Variants in TLCD3B observed in about 807,000 individuals in gnomAD.
TLCD3B encodes the protein ceramide synthase.
In TLCD3B, 9 loss-of-function variants were observed where a neutral mutation model predicts 23.0. That is an observed-to-expected ratio of 0.39 (90% confidence interval 0.24 to 0.68). The LOEUF is 0.68. Among genes scored for constraint, TLCD3B ranks in the 30% least tolerant of loss-of-function variants. TLCD3B has a pLI of 0.44. For synonymous variants in TLCD3B, 161 were observed against 161.0 expected (o/e 1.00, Z 0.00); for missense variants, 307 against 371.8 (o/e 0.83, Z 1.43).
At chr16:30,028,813 C>T (rs567754027) in intron 2 of TLCD3B, among the ~76,000 whole-genome samples, 6 of 152,318 alleles carry the variant, frequency 3.9e-5, no homozygotes, top group East Asian at 3.9e-4. Flanking sequence ...TCACCTAGGG[C>T]GGCCGTCAGC....
Position 30,030,738 on chromosome 16 carries a change from GGGGGA to G in TLCD3B, c.-216_-212del. 1 of 1,209,658 alleles carries G rather than the reference GGGGGA, an allele frequency of 8.3e-7. No individual in the cohort carries two copies. The highest frequency in any genetic ancestry group is 1.0e-6 in the Non-Finnish European group (1 of 964,408). 74.9% of individuals were successfully genotyped at this position (1,209,658 alleles called of 1,614,324 possible). A position where few individuals can be genotyped will look rare whatever the true frequency, so the allele number is the denominator to read the frequency against. ...GGGAGGGGGCTGGCTGGGCAGAGACGGGGGAGGGGAGGATGGGAGAAGGGGAGCAG... is the reference window on the plus strand; with the variant it reads ...GGGAGGGGGCTGGCTGGGCAGAGACGGGGGAGGATGGGAGAAGGGGAGCAG... On this transcript the variant is annotated 5_prime_UTR_variant, in exon 1 of 5. Coordinates refer to ENST00000380495, the MANE Select transcript of TLCD3B (RefSeq NM_031478.6).
chr16:30,029,290 T>A lies in TLCD3B; in HGVS notation c.209+142A>T. On this transcript the variant is annotated intron_variant, in intron 2 of 4. Transcript: ENST00000380495. The surrounding 1 kb of genome is among the most constrained non-coding windows in gnomAD (Gnocchi z 4.6). Reference sequence around the variant, plus strand: ...TTTATCCCTGGGTGTTGAGTTGCGGTTATTGCAGTTAACTTGCTCAGGCCC... The same window carrying A: ...TTTATCCCTGGGTGTTGAGTTGCGGATATTGCAGTTAACTTGCTCAGGCCC... The A allele has an allele frequency of 1.5e-6, 1 of 684,468 alleles. No homozygotes were observed. The highest frequency in any genetic ancestry group is 2.6e-6 in the Non-Finnish European group (1 of 381,524). 42.4% of individuals were successfully genotyped at this position (684,468 alleles called of 1,614,324 possible). A position where few individuals can be genotyped will look rare whatever the true frequency, so the allele number is the denominator to read the frequency against.
Position 30,030,806 on chromosome 16 carries a change from G to T in TLCD3B, c.-279C>A. 8.6e-7 allele frequency: 1 copy of T among 1,158,826 alleles called. No individual in the cohort carries two copies. Among genetic ancestry groups the T allele is most frequent in the Non-Finnish European group, 1.1e-6 (1 of 941,086 alleles). 71.8% of individuals were successfully genotyped at this position (1,158,826 alleles called of 1,614,324 possible). On this transcript the variant is annotated 5_prime_UTR_variant, in exon 1 of 5. Coordinates refer to ENST00000380495, the MANE Select transcript of TLCD3B (RefSeq NM_031478.6). The stretch of plus-strand genomic sequence containing the variant: ...GAGGGATGGGGAGAGGCAAAGAGGG[G>T]ATGGCTTGGTGAGGGACAGAGAGGA...
At chr16:30,037,542 C>CAAA (rs78393499) in intron 3 of TLCD3B, among the ~76,000 whole-genome samples, 2 of 80,170 alleles carry the variant, frequency 2.5e-5, no homozygotes, top group African/African-American at 4.3e-5. Context: ...GACTGTGTTT[C>CAAA]AAAAAAAAAA....
chr16:30,040,004 C>T (rs1294331747), intron 3 of TLCD3B, among the ~76,000 whole-genome samples: 1 of 151,310 alleles, frequency 6.6e-6, no homozygotes, highest in Non-Finnish European at 1.5e-5. Context: ...TATGGTGGTG[C>T]ACATCCGTAA....
intron 1 of TLCD3B, among the ~76,000 whole-genome samples, chr16:30,048,834 G>A (rs150282766): frequency 1.9e-4 from 29 of 151,978 alleles, no homozygotes; most frequent in East Asian, 1.2e-3. Flanking sequence ...GCAGTGGTGC[G>A]ATCTTGGCTC....
intron 1 of TLCD3B, among the ~76,000 whole-genome samples, chr16:30,047,167 GTCTATCTATCTATCTA>G (rs571469371): frequency 1.4e-5 from 2 of 147,966 alleles, no homozygotes; most frequent in African/African-American, 5.2e-5. Context: ...CTGTCTGTCT[GTCTATCTATCTATCTA>G]TCTATCTATC....
intron 3 of TLCD3B, among the ~76,000 whole-genome samples, chr16:30,040,133 C>CAAAAA (rs1205462051): frequency 0.016 from 1,322 of 84,758 alleles, 88 homozygotes; most frequent in African/African-American, 0.056. Flanking sequence ...GACTTTGTCT[C>CAAAAA]AAAAAAAAAA....
At position 30,025,555 on chromosome 16, in the gene TLCD3B, C is replaced by T. The variant is rs1464032958; in HGVS notation, c.541-88G>A. 6.5e-7 allele frequency: 1 copy of T among 1,548,926 alleles called. No individual in the cohort carries two copies. Among genetic ancestry groups the T allele is most frequent in the African/African-American group, 1.4e-5 (1 of 73,542 alleles). The stretch of plus-strand genomic sequence containing the variant: ...CCTGCCTCCCTGCGACCCTAGCAGG[C>T]AGCTCCTCCCAAACCAGACACTTTG... On this transcript the variant is annotated intron_variant, in intron 4 of 4. Transcript: ENST00000380495. The surrounding 1 kb of genome is among the most constrained non-coding windows in gnomAD (Gnocchi z 4.1).
At chr16:30,030,259 G>A (rs2071313514) in intron 1 of TLCD3B, 144 bp downstream of exon 1, 4 of 1,130,212 alleles carry the variant, frequency 3.5e-6, no homozygotes, top group Non-Finnish European at 5.1e-6. Context: ...AGTGAGGAGA[G>A]AGGAAGCCTG....
Position 30,029,285 on chromosome 16 carries a change from T to G in TLCD3B, c.209+147A>C, listed in dbSNP as rs2071278566. 2 of 667,746 alleles carry G rather than the reference T, an allele frequency of 3.0e-6. No homozygotes were observed. The highest frequency in any genetic ancestry group is 5.4e-6 in the Non-Finnish European group (2 of 369,420). The allele number at this position is 667,746 out of a possible 1,614,324, so 41.4% of individuals were successfully genotyped here. A position where few individuals can be genotyped will look rare whatever the true frequency, so the allele number is the denominator to read the frequency against. ...ATAAATTTATCCCTGGGTGTTGAGT[T>G]GCGGTTATTGCAGTTAACTTGCTCA... On this transcript the variant is annotated intron_variant, in intron 2 of 4. Coordinates refer to ENST00000380495, the MANE Select transcript of TLCD3B (RefSeq NM_031478.6). This position sits in a 1 kb window ranked among gnomAD's most constrained non-coding sequence, Gnocchi z 4.6.
chr16:30,035,118 G>C (rs553744237), upstream of TLCD3B: 222 of 292,560 alleles, frequency 7.6e-4, no homozygotes, highest in African/African-American at 4.8e-3. Flanking sequence ...CACCATGTTG[G>C]CCAGGCTGGT....
Position 30,030,806 on chromosome 16 carries a change from G to A in TLCD3B, c.-279C>T, listed in dbSNP as rs1047455476. ...GAGGGATGGGGAGAGGCAAAGAGGG[G>A]ATGGCTTGGTGAGGGACAGAGAGGA... is the stretch of plus-strand genomic sequence containing the variant. On this transcript the variant is annotated 5_prime_UTR_variant, in exon 1 of 5. Transcript: ENST00000380495. 3.5e-6 allele frequency: 4 copies of A among 1,158,712 alleles called. No individual in the cohort carries two copies. Among genetic ancestry groups the A allele is most frequent in the Non-Finnish European group, 3.2e-6 (3 of 941,090 alleles). The allele number at this position is 1,158,712 out of a possible 1,614,324, so 71.8% of individuals were successfully genotyped here.
At chr16:30,036,600 G>C (rs190094310) in intron 3 of TLCD3B, 17 of 345,144 alleles carry the variant, frequency 4.9e-5, no homozygotes, top group African/African-American at 3.5e-4. Context: ...TTGGTGGAGT[G>C]GCTAGAAGGT....
upstream of TLCD3B, chr16:30,033,441 T>C (rs1258076686): frequency 6.6e-6 from 1 of 152,154 alleles, no homozygotes; most frequent in East Asian, 1.9e-4. Flanking sequence ...TTTTTTTGTC[T>C]GCCAGGGAAT....
At chr16:30,052,261 G>A (rs1378483942) in intron 1 of TLCD3B, among the ~76,000 whole-genome samples, 4 of 152,072 alleles carry the variant, frequency 2.6e-5, no homozygotes, top group South Asian at 2.1e-4. Context: ...TCAGCTACTC[G>A]GGAGGCTGAG....
upstream of TLCD3B, among the ~76,000 whole-genome samples, chr16:30,034,410 C>CA (rs34825633): frequency 0.73 from 85,128 of 115,946 alleles, 31,445 homozygotes; most frequent in East Asian, 0.92. Flanking sequence ...CTGTCTCTAC[C>CA]AAAAAAAAAA....
At chr16:30,032,299 T>G (rs1567303221), upstream of TLCD3B, among the ~76,000 whole-genome samples, 1 of 152,166 alleles carries the variant, frequency 6.6e-6, no homozygotes, top group Non-Finnish European at 1.5e-5. Context: ...TGCAAACTCC[T>G]TTGGTCTCCA....
In TLCD3B at chr16:30,025,471, A is replaced by G. The variant is rs1232115881; in HGVS notation, c.541-4T>C. 1 of 1,611,400 alleles carries G rather than the reference A, an allele frequency of 6.2e-7. No homozygotes were observed. The highest frequency in any genetic ancestry group is 1.3e-5 in the African/African-American group (1 of 74,984). ...GCAGTGTGTGCTGCTGCTTGTACTG[A>G]GGAGACACAGACACAGTGGCCACGG... is the stretch of plus-strand genomic sequence containing the variant. On this transcript the variant is annotated splice_region_variant and splice_polypyrimidine_tract_variant and intron_variant, in intron 4 of 4. Coordinates refer to ENST00000380495, the MANE Select transcript of TLCD3B (RefSeq NM_031478.6). This position sits in a 1 kb window ranked among gnomAD's most constrained non-coding sequence, Gnocchi z 4.1.
Sources: gnomAD v4.1 joint callset for allele counts (sites outside exome capture counted in the v4.1 genomes callset) on GRCh38, gnomAD v4.1.1 for gene constraint, Gnocchi (gnomAD v3.1) non-coding constraint, MANE v1.5 for transcripts, NCBI Gene and HGNC (gene_info 2026-07-23, HGNC 2026-07-21) for gene names.